CFAP57: variants seen among roughly 807,000 people sequenced by gnomAD.
CFAP57 encodes the protein cilia- and flagella-associated protein 57.
Under a neutral mutation model 146.8 loss-of-function variants are expected in CFAP57, and 116 were observed. The observed-to-expected ratio is 0.79, with a 90% CI of 0.68 to 0.92. CFAP57 has a LOEUF of 0.92. CFAP57 is among the 40% of genes least tolerant of loss of function. CFAP57 has a pLI of 0.00. For synonymous variants in CFAP57, 518 were observed against 552.8 expected, an observed-to-expected ratio of 0.94 and a Z score of 0.88; for missense variants, 1,377 against 1,527.2, an observed-to-expected ratio of 0.90 and a Z score of 1.64.
intron 21 of CFAP57, among the ~76,000 whole-genome samples, chr1:43,237,060 G>C (rs1437668284): frequency 6.6e-6 from 1 of 152,190 alleles, no homozygotes; most frequent in Non-Finnish European, 1.5e-5. Context: ...GTGGAGGGTG[G>C]AGGGTGGATG....
At position 43,185,588 on chromosome 1, in the gene CFAP57, TC is replaced by T. The variant is rs535024905; in HGVS notation, c.969+235del. On this transcript the variant is annotated intron_variant, in intron 5 of 22. Transcript: ENST00000372492. ...CCAGCATATTGGCTTATGCCTGTAA[TC>T]CCAGCACTTTGGGAGGCCAAGGTGG... Among the ~76,000 whole-genome samples the T allele has an allele frequency of 7.1e-4, 106 of 149,350 alleles. 1 individual carries two copies. Among genetic ancestry groups the T allele is most frequent in the African/African-American group, 2.6e-3 (104 of 40,208 alleles).
Position 43,243,379 on chromosome 1 carries a change from G to C in CFAP57, c.3538+20G>C, listed in dbSNP as rs1384164715. 1.2e-5 allele frequency: 18 copies of C among 1,508,262 alleles called. No individual in the cohort carries two copies. In the East Asian group the frequency reaches 4.6e-4, roughly 38 times the overall value. 93.4% of individuals were successfully genotyped at this position (1,508,262 alleles called of 1,614,324 possible). ...AGACAGGTAATATCACCAGTGGCCA[G>C]GGGAGATGGGCACTGGGACGAAGGG... On this transcript the variant is annotated intron_variant, in intron 22 of 22. Transcript: ENST00000372492.
Position 43,253,982 on chromosome 1 carries a change from A to C in CFAP57, c.3544A>C (p.Ser1182Arg), listed in dbSNP as rs527468596. ...AGTCCTGTTGTCTCTTACAGAACCC[A>C]GCAGGGACATGCTCAGCACAGCTCC... Reference protein sequence around the residue: ...RPQEVSETEPSRDMLSTAPTA... With the variant: ...RPQEVSETEPRRDMLSTAPTA... Residue 1182 changes from serine (S) to arginine (R), a missense_variant, in exon 23 of 23, where the codon AGC (serine) becomes CGC (arginine). Ser to Arg is a moderately radical substitution (Grantham distance 110, BLOSUM62 -1). Coordinates refer to ENST00000372492, the MANE Select transcript of CFAP57 (RefSeq NM_001378189.1). The C allele has an allele frequency of 6.4e-7, 1 of 1,550,596 alleles. No individual in the cohort carries two copies. Among genetic ancestry groups the C allele is most frequent in the South Asian group, 1.2e-5 (1 of 84,052 alleles).
At chr1:43,192,459 TA>T (rs569026080) in intron 6 of CFAP57, among the ~76,000 whole-genome samples, 1 of 152,024 alleles carries the variant, frequency 6.6e-6, no homozygotes. Context: ...CCGTGTCTAC[TA>T]AAAAAATACA....
chr1:43,193,680 A>G lies in CFAP57; in HGVS notation c.1123-3873A>G, dbSNP rs532321424. On this transcript the variant is annotated intron_variant, in intron 6 of 22. Transcript: ENST00000372492. ...TAATATTGTTATATATATTACATCTATGAGTGTTACAAACCCCAATGACAT... is the reference window on the plus strand; with the variant it reads ...TAATATTGTTATATATATTACATCTGTGAGTGTTACAAACCCCAATGACAT... Among the ~76,000 whole-genome samples, 6 of 152,072 alleles carry G rather than the reference A, an allele frequency of 3.9e-5. No homozygotes were observed. In the South Asian group the frequency reaches 1.0e-3, roughly 26 times the overall value.
At chr1:43,187,499 C>T (rs1643213620) in intron 6 of CFAP57, among the ~76,000 whole-genome samples, 1 of 151,698 alleles carries the variant, frequency 6.6e-6, no homozygotes, top group Non-Finnish European at 1.5e-5. Context: ...TTATGATTCA[C>T]ATACAAATTG....
rs1216612622 is a variant in CFAP57, at chr1:43,198,491, C to G, written c.1273C>G (p.Leu425Val). The G allele has an allele frequency of 3.1e-6, 5 of 1,614,032 alleles. No individual in the cohort carries two copies. Among genetic ancestry groups the G allele is most frequent in the Admixed American group, 1.7e-5 (1 of 60,020 alleles). ...LWNYETNTLE[L>V]FKEYQEEAYS... ...TGATCTTTTTCACAGCACCCTGGAA[C>G]TATTTAAGGAATACCAAGAAGAGGC... The change falls in exon 8 of 23, where the codon CTA becomes GTA. Residue 425 changes from leucine to valine, a missense_variant. Physicochemically the swap from Leu to Val is conservative, Grantham distance 32. Transcript: ENST00000372492.
At chr1:43,252,082 G>A (rs1435595610) in intron 22 of CFAP57, among the ~76,000 whole-genome samples, 2 of 152,100 alleles carry the variant, frequency 1.3e-5, no homozygotes, top group African/African-American at 2.4e-5. Context: ...GGAAAACTTT[G>A]CTTTCCTTCC....
At chr1:43,248,977 G>T (rs1254501373) in intron 22 of CFAP57, among the ~76,000 whole-genome samples, 2 of 151,408 alleles carry the variant, frequency 1.3e-5, no homozygotes, top group Non-Finnish European at 2.9e-5. Flanking sequence ...CGCCTCCCGG[G>T]TTCATGCCAT....
intron 22 of CFAP57, among the ~76,000 whole-genome samples, chr1:43,248,289 C>T (rs1646190228): frequency 1.3e-5 from 2 of 151,244 alleles, no homozygotes; most frequent in Admixed American, 6.6e-5. Context: ...TCACATCTCT[C>T]TCCCCTACAT....
At chr1:43,212,877 T>G (rs1451705579) in intron 11 of CFAP57, among the ~76,000 whole-genome samples, 1 of 145,454 alleles carries the variant, frequency 6.9e-6, no homozygotes, top group African/African-American at 2.5e-5. Context: ...GAGATTTCAG[T>G]GAGCTGGGAG....
At position 43,232,638 on chromosome 1, in the gene CFAP57, A is replaced by G; in HGVS notation, c.3126+14A>G. The G allele has an allele frequency of 6.7e-7, 1 of 1,502,224 alleles. No individual in the cohort carries two copies. Among genetic ancestry groups the G allele is most frequent in the Admixed American group, 2.1e-5 (1 of 48,046 alleles). The allele number at this position is 1,502,224 out of a possible 1,614,324, so 93.1% of individuals were successfully genotyped here. A position where few individuals can be genotyped will look rare whatever the true frequency, so the allele number is the denominator to read the frequency against. ...GAGAGACAGAAGGTGTGAGGGTTTCAGAGTCTGGCAGTTCTTGGATTCGGG... is the reference window on the plus strand; with the variant it reads ...GAGAGACAGAAGGTGTGAGGGTTTCGGAGTCTGGCAGTTCTTGGATTCGGG... On this transcript the variant is annotated intron_variant, in intron 19 of 22. Transcript: ENST00000372492.
chr1:43,234,200 C>A, intron 19 of CFAP57, 79 bp from the exon 20 acceptor site: 1 of 1,405,840 alleles, frequency 7.1e-7, no homozygotes. Context: ...CCTTTCTGTG[C>A]CATTAACCTC....
chr1:43,219,553 T>A lies in CFAP57; in HGVS notation c.2247+16T>A. 1 of 1,550,270 alleles carries A rather than the reference T, an allele frequency of 6.5e-7. No homozygotes were observed. Among genetic ancestry groups the A allele is most frequent in the Middle Eastern group, 1.7e-4 (1 of 5,992 alleles). On this transcript the variant is annotated intron_variant, in intron 13 of 22. Coordinates refer to ENST00000372492, the MANE Select transcript of CFAP57 (RefSeq NM_001378189.1). Reference sequence around the variant, plus strand: ...AAAAAACCAGGTCTGTTTAAGAGACTGACCAACAAGCACAAATAACAAGAA... The same window carrying A: ...AAAAAACCAGGTCTGTTTAAGAGACAGACCAACAAGCACAAATAACAAGAA...
chr1:43,180,133 G>C (rs1645332140), intron 2 of CFAP57, among the ~76,000 whole-genome samples: 1 of 151,378 alleles, frequency 6.6e-6, no homozygotes, highest in African/African-American at 2.4e-5. Flanking sequence ...CTGAACCTGG[G>C]AGGTGGTGGT....
rs1193080061 is a variant in CFAP57 at position 43,198,624 on chromosome 1, A to T, written c.1406A>T (p.Tyr469Phe). Residue 469 changes from tyrosine to phenylalanine, a missense_variant, in exon 8 of 23, where the codon TAC (tyrosine) becomes TTC (phenylalanine). Physicochemically the swap from Tyr to Phe is conservative, Grantham distance 22. Coordinates refer to ENST00000372492, the MANE Select transcript of CFAP57 (RefSeq NM_001378189.1). ...LIDDIRSFKE[Y>F]SVRGCGECSF... ...GATGATATACGTTCTTTCAAAGAATACTCTGTTAGAGGATGCGGAGAGGTA... is the reference window on the plus strand; with the variant it reads ...GATGATATACGTTCTTTCAAAGAATTCTCTGTTAGAGGATGCGGAGAGGTA... The T allele has an allele frequency of 6.2e-7, 1 of 1,613,046 alleles. No homozygotes were observed. The highest frequency in any genetic ancestry group is 8.5e-7 in the Non-Finnish European group (1 of 1,179,802).
chr1:43,226,682 A>C (rs907634085), intron 17 of CFAP57, among the ~76,000 whole-genome samples: 2 of 152,252 alleles, frequency 1.3e-5, no homozygotes, highest in Admixed American at 6.5e-5. Flanking sequence ...GTCACGCTGT[A>C]GAACAGCTGG....
chr1:43,226,989 C>G lies in CFAP57; in HGVS notation c.2872C>G (p.Arg958Gly). The G allele has an allele frequency of 6.6e-7, 1 of 1,511,012 alleles. No individual in the cohort carries two copies. The highest frequency in any genetic ancestry group is 1.3e-5 in the South Asian group (1 of 75,920). 93.6% of individuals were successfully genotyped at this position (1,511,012 alleles called of 1,614,324 possible). Reference sequence around the variant, plus strand: ...TCTCTCATCTCACCCCCAGGAGAAGCGAATTTATGATCTGAAAAAGAAAAA... The same window carrying G: ...TCTCTCATCTCACCCCCAGGAGAAGGGAATTTATGATCTGAAAAAGAAAAA... ...RDETIQDKEK[R>G]IYDLKKKNQE... Residue 958 changes from arginine to glycine, a missense_variant, in exon 18 of 23, where the codon CGA becomes GGA. Arg to Gly is a moderately radical substitution (Grantham distance 125). Transcript: ENST00000372492.
intron 2 of CFAP57, among the ~76,000 whole-genome samples, chr1:43,179,864 T>C (rs1209908484): frequency 2.0e-5 from 3 of 152,114 alleles, no homozygotes; most frequent in African/African-American, 7.2e-5. Flanking sequence ...TCGAGGGCTC[T>C]AGGTACTTTT....
Sources: allele counts gnomAD v4.1 joint callset (sites outside exome capture counted in the v4.1 genomes callset), GRCh38; gene constraint gnomAD v4.1.1; transcripts MANE v1.5; gene names NCBI Gene and HGNC (gene_info 2026-07-23, HGNC 2026-07-21).